TTC28: variants seen among roughly 807,000 people sequenced by gnomAD.
TTC28 encodes the protein tetratricopeptide repeat domain 28, also known as tetratricopeptide repeat protein 28.
Under a neutral mutation model 198.0 loss-of-function variants are expected in TTC28, and 61 were observed. That is an observed-to-expected ratio of 0.31 (90% confidence interval 0.25 to 0.38). The LOEUF is 0.38. Among genes scored for constraint, TTC28 ranks in the 10% least tolerant of loss-of-function variants. The pLI, the probability that TTC28 is intolerant of heterozygous loss-of-function variation, is 1.00. For synonymous variants in TTC28, 1,171 were observed against 1,297.8 expected, an observed-to-expected ratio of 0.90 and a Z score of 2.10; for missense variants, 2,678 against 3,164.0, an observed-to-expected ratio of 0.85 and a Z score of 3.69.
chr22:28,542,741 A>G (rs1435727254), intron 2 of TTC28, among the ~76,000 whole-genome samples: 1 of 152,206 alleles, frequency 6.6e-6, no homozygotes. Flanking sequence ...GTAGTTGAAA[A>G]TGAAAACACA....
intron 6 of TTC28, among the ~76,000 whole-genome samples, chr22:28,125,324 A>G (rs149426166): frequency 1.0e-3 from 156 of 152,268 alleles, no homozygotes; most frequent in African/African-American, 3.5e-3. Context: ...GTTGGCTTGG[A>G]CTTAATTTTC....
intron 2 of TTC28, among the ~76,000 whole-genome samples, chr22:28,395,400 G>A (rs978739598): frequency 1.3e-5 from 2 of 151,970 alleles, no homozygotes; most frequent in African/African-American, 2.4e-5. Flanking sequence ...ATAACTGGCC[G>A]AGGTGGGCGG....
chr22:28,674,689 C>T (rs1447282199), intron 1 of TTC28, among the ~76,000 whole-genome samples: 1 of 151,706 alleles, frequency 6.6e-6, no homozygotes, highest in Non-Finnish European at 1.5e-5. Context: ...CATAGTGGTG[C>T]ACATCTGTAA....
At chr22:28,322,342 A>C (rs544575140) in intron 2 of TTC28, among the ~76,000 whole-genome samples, 441 of 152,318 alleles carry the variant, frequency 2.9e-3, no homozygotes, top group Middle Eastern at 0.01. Flanking sequence ...GCCAAAGTAT[A>C]AACATAAAAA....
At chr22:28,117,029 A>G (rs772557325) in intron 6 of TTC28, among the ~76,000 whole-genome samples, 1 of 152,178 alleles carries the variant, frequency 6.6e-6, no homozygotes, top group Non-Finnish European at 1.5e-5. Context: ...ACGTTCAGGT[A>G]TGTATTTCCC....
chr22:28,300,079 C>T (rs2044988346), intron 3 of TTC28, among the ~76,000 whole-genome samples: 1 of 152,166 alleles, frequency 6.6e-6, no homozygotes, highest in Non-Finnish European at 1.5e-5. Context: ...TGAATGCCAC[C>T]CTTGGAAAAT....
At chr22:28,386,055 T>C (rs1281540720) in intron 2 of TTC28, among the ~76,000 whole-genome samples, 1 of 151,556 alleles carries the variant, frequency 6.6e-6, no homozygotes, top group East Asian at 1.9e-4. Context: ...GGCGGGCGGA[T>C]CACGAGGTCA....
At chr22:28,098,810 A>C in intron 10 of TTC28, 105 bp downstream of exon 10, 1 of 1,391,090 alleles carries the variant, frequency 7.2e-7, no homozygotes, top group Non-Finnish European at 9.6e-7. Context: ...TTGTCACAAC[A>C]AATCATATTT....
At chr22:28,075,357 T>A (rs1001603884) in intron 12 of TTC28, among the ~76,000 whole-genome samples, 11 of 152,176 alleles carry the variant, frequency 7.2e-5, no homozygotes, top group Non-Finnish European at 2.9e-5. Flanking sequence ...GTCTCTTTAG[T>A]GCTCTAGTCC....
intron 2 of TTC28, among the ~76,000 whole-genome samples, chr22:28,537,959 C>G (rs1292870599): frequency 6.6e-6 from 1 of 151,354 alleles, no homozygotes; most frequent in Non-Finnish European, 1.5e-5. Context: ...AGCAAGACAC[C>G]ATCTCTTAAA....
At chr22:28,409,749 C>T (rs2047053701) in intron 2 of TTC28, among the ~76,000 whole-genome samples, 1 of 151,002 alleles carries the variant, frequency 6.6e-6, no homozygotes, top group Non-Finnish European at 1.5e-5. Context: ...CTCCGCCTCC[C>T]GGGCTCAAGC....
chr22:28,210,493 C>T (rs1349918481), intron 5 of TTC28, among the ~76,000 whole-genome samples: 2 of 152,058 alleles, frequency 1.3e-5, no homozygotes, highest in African/African-American at 4.8e-5. Flanking sequence ...GTGACACATA[C>T]ACAAGCTTCA....
intron 2 of TTC28, among the ~76,000 whole-genome samples, chr22:28,359,164 A>C (rs1040457464): frequency 6.6e-5 from 10 of 152,238 alleles, no homozygotes; most frequent in Non-Finnish European, 1.3e-4. Context: ...TTATGAACTG[A>C]ATTCTAGAAT....
intron 12 of TTC28, among the ~76,000 whole-genome samples, chr22:28,074,623 C>G (rs1941106784): frequency 1.3e-5 from 2 of 152,364 alleles, no homozygotes; most frequent in South Asian, 4.1e-4. Context: ...TGGTACAAGA[C>G]AGCCTAGATC....
intron 6 of TTC28, among the ~76,000 whole-genome samples, chr22:28,160,292 C>T (rs1419934146): frequency 6.6e-6 from 1 of 152,184 alleles, no homozygotes; most frequent in African/African-American, 2.4e-5. Flanking sequence ...TTTCACATTG[C>T]ATGCCTGTAT....
At chr22:28,025,523 C>T (rs576275594) in intron 13 of TTC28, among the ~76,000 whole-genome samples, 11 of 152,276 alleles carry the variant, frequency 7.2e-5, no homozygotes, top group South Asian at 6.2e-4. Context: ...TGGGCTTTTG[C>T]AGCACTGCTG....
intron 5 of TTC28, among the ~76,000 whole-genome samples, chr22:28,260,220 GGAA>G (rs1192186036): frequency 6.6e-6 from 1 of 152,082 alleles, no homozygotes; most frequent in East Asian, 1.9e-4. Context: ...AAGCAGAAGT[GGAA>G]GAAGTAGAAA....
rs1232192043 is a variant in TTC28, at chr22:28,172,858, T to C, written c.934-9259A>G. ...ATCAGAGGCCCTGGCTATGTAACAC[T>C]AATAAGTATTTTACTTCTTCACTCC... On this transcript the variant is annotated intron_variant, in intron 5 of 22. Transcript: ENST00000397906. Among the ~76,000 whole-genome samples the C allele has an allele frequency of 4.6e-5, 7 of 152,356 alleles. No individual in the cohort carries two copies. In the East Asian group the frequency reaches 1.3e-3, roughly 29 times the overall value.
At chr22:28,430,996 T>A (rs999010277) in intron 2 of TTC28, among the ~76,000 whole-genome samples, 2 of 152,048 alleles carry the variant, frequency 1.3e-5, no homozygotes, top group Non-Finnish European at 1.5e-5. Context: ...CAAGTCAAGT[T>A]AAAATACTAC....
Sources: gnomAD v4.1 joint callset for allele counts (sites outside exome capture counted in the v4.1 genomes callset) on GRCh38, gnomAD v4.1.1 for gene constraint, MANE v1.5 for transcripts, NCBI Gene and HGNC (gene_info 2026-07-23, HGNC 2026-07-21) for gene names.